The following SFI1 variants were observed in gnomAD, a reference collection of about 807,000 sequenced individuals.
SFI1 encodes protein SFI1 homolog.
In SFI1, 195 loss-of-function variants were observed where a neutral mutation model predicts 207.5. The ratio of observed to expected loss-of-function variants is 0.94; its 90% CI spans 0.84 to 1.06. The LOEUF is 1.06. SFI1 is among the 50% of genes least tolerant of loss of function. The pLI, the probability that SFI1 is intolerant of heterozygous loss-of-function variation, is 0.00. For missense variants in SFI1, 1,634 were observed against 1,588.0 expected (o/e 1.03, Z -0.49); for synonymous variants, 630 against 598.9 (o/e 1.05, Z -0.76).
intron 8 of SFI1, among the ~76,000 whole-genome samples, chr22:31,562,665 G>A (rs964914362): frequency 1.3e-5 from 2 of 151,490 alleles, no homozygotes; most frequent in Admixed American, 6.6e-5. Context: ...ACAGAGTCTC[G>A]CTCTGTCACC....
rs142187591 is a variant in SFI1 at position 31,515,768 on chromosome 22, C to G, written c.92+7392C>G. Among the ~76,000 whole-genome samples the G allele has an allele frequency of 8.7e-4, 127 of 146,702 alleles. 2 individuals are homozygous for G. The East Asian group carries it at 0.023, about 27-fold the overall frequency. On this transcript the variant is annotated intron_variant, in intron 2 of 32. Coordinates refer to ENST00000400288, the MANE Select transcript of SFI1 (RefSeq NM_001007467.3). The stretch of plus-strand genomic sequence containing the variant: ...TTTTTCTTTTTTTGAGATGGCGTCT[C>G]CCTCTGTTGCCCAGGCTGGAGTGCA...
Position 31,555,787 on chromosome 22 carries a change from T to G in SFI1, c.545-1155T>G, listed in dbSNP as rs955027302. On this transcript the variant is annotated intron_variant, in intron 6 of 32. Coordinates refer to ENST00000400288, the MANE Select transcript of SFI1 (RefSeq NM_001007467.3). ...CTAAACCACAGCACTATACTAGTCC[T>G]GATTACCTGAAGTATGCTGATTCCT... is the stretch of plus-strand genomic sequence containing the variant. Among the ~76,000 whole-genome samples, 4 of 152,152 alleles carry G rather than the reference T, an allele frequency of 2.6e-5. No homozygotes were observed. The East Asian group carries it at 7.7e-4, about 29-fold the overall frequency.
intron 15 of SFI1, among the ~76,000 whole-genome samples, chr22:31,601,815 C>T (rs921822147): frequency 9.2e-5 from 14 of 151,666 alleles, no homozygotes; most frequent in African/African-American, 3.4e-4. Context: ...TTTTCAGAGA[C>T]GGGGTCTCAC....
At chr22:31,587,475 G>C (rs2065182050) in intron 14 of SFI1, 1 of 79,634 alleles carries the variant, frequency 1.3e-5, no homozygotes, top group Admixed American at 1.6e-4. Flanking sequence ...GCTAATGTTT[G>C]TGTTTTGTTT....
chr22:31,611,755 C>G lies in SFI1; in HGVS notation c.2416-11C>G, dbSNP rs1249677031. 3 of 1,612,090 alleles carry G rather than the reference C, an allele frequency of 1.9e-6. No homozygotes were observed. Among genetic ancestry groups the G allele is most frequent in the African/African-American group, 1.3e-5 (1 of 75,044 alleles). On this transcript the variant is annotated splice_polypyrimidine_tract_variant and intron_variant, in intron 23 of 32. Transcript: ENST00000400288. ...CAGGACGCCACTCTCTGTGCACTTG[C>G]TCTCCCCCAGCTCCTGCACAGGCAG...
rs1250857567 is a variant in SFI1, at chr22:31,604,937, G to T, written c.2046G>T (p.Gln682His). ...CCAGGGAGAGCCAGCACAACAGGCA[G>T]CTGCTGCGGTGAGTCTCCCGGGCGC... Reference protein sequence around the residue: ...VAARESQHNRQLLRGALRRWK... With the variant: ...VAARESQHNRHLLRGALRRWK... Residue 682 changes from glutamine to histidine, a missense_variant, in exon 20 of 33, where the codon CAG (glutamine) becomes CAT (histidine). Coordinates refer to ENST00000400288, the MANE Select transcript of SFI1 (RefSeq NM_001007467.3). 6.2e-7 allele frequency: 1 copy of T among 1,608,554 alleles called. No individual in the cohort carries two copies. Among genetic ancestry groups the T allele is most frequent in the Non-Finnish European group, 8.5e-7 (1 of 1,177,372 alleles).
chr22:31,540,893 A>G (rs2059420039), intron 4 of SFI1, among the ~76,000 whole-genome samples: 1 of 152,144 alleles, frequency 6.6e-6, no homozygotes, highest in Non-Finnish European at 1.5e-5. Context: ...GTTAATTATA[A>G]GCTTGGCTGC....
At chr22:31,554,010 T>C in intron 6 of SFI1, among the ~76,000 whole-genome samples, 1 of 151,474 alleles carries the variant, frequency 6.6e-6, no homozygotes, top group East Asian at 2.0e-4. Flanking sequence ...CTAAGTTTTT[T>C]ATATTTTACA....
intron 15 of SFI1, among the ~76,000 whole-genome samples, chr22:31,592,474 T>A (rs1603264168): frequency 2.8e-5 from 1 of 36,124 alleles, no homozygotes; most frequent in Non-Finnish European, 5.0e-5. Flanking sequence ...CTCACCTCCC[T>A]CCCGGATGGG....
chr22:31,572,848 GA>G, intron 8 of SFI1: 1 of 431,670 alleles, frequency 2.3e-6, no homozygotes, highest in Non-Finnish European at 4.1e-6. Context: ...TTTAATCCAG[GA>G]AAAAATTACT....
At chr22:31,531,194 C>A in intron 4 of SFI1, 65 bp downstream of exon 4, 1 of 1,349,356 alleles carries the variant, frequency 7.4e-7, no homozygotes, top group Non-Finnish European at 1.0e-6. Flanking sequence ...TTATATTAAG[C>A]CTGTATATAA....
Position 31,523,113 on chromosome 22 carries a change from G to A in SFI1, c.93-5577G>A, listed in dbSNP as rs550655096. Among the ~76,000 whole-genome samples the A allele has an allele frequency of 6.6e-5, 10 of 152,316 alleles. No individual in the cohort carries two copies. In the South Asian group the frequency reaches 2.1e-3, roughly 32 times the overall value. Reference sequence around the variant, plus strand: ...ACAAGTTTTTCTGTGGACATATGCTGTATTGCTTTTATAATAAGAAAATAA... The same window carrying A: ...ACAAGTTTTTCTGTGGACATATGCTATATTGCTTTTATAATAAGAAAATAA... On this transcript the variant is annotated intron_variant, in intron 2 of 32. Coordinates refer to ENST00000400288, the MANE Select transcript of SFI1 (RefSeq NM_001007467.3).
chr22:31,614,996 C>G, intron 28 of SFI1, 52 bp from the exon 29 acceptor site: 1 of 1,587,538 alleles, frequency 6.3e-7, no homozygotes. Context: ...GTTCTTTGGT[C>G]CCAGAGGAGG....
intron 8 of SFI1, among the ~76,000 whole-genome samples, chr22:31,568,151 CTCTCTA>C (rs1017997152): frequency 6.7e-5 from 8 of 119,044 alleles, no homozygotes; most frequent in Admixed American, 4.6e-4. Context: ...GACTCTCTCT[CTCTCTA>C]TATATATATG....
chr22:31,589,332 C>A (rs761454911), intron 14 of SFI1, 115 bp from the exon 15 acceptor site: 31 of 1,031,894 alleles, frequency 3.0e-5, no homozygotes, highest in Non-Finnish European at 3.5e-5. Flanking sequence ...AATGATTCAT[C>A]TTTTTCTCAT....
chr22:31,553,699 T>C (rs1043905932), intron 6 of SFI1, among the ~76,000 whole-genome samples: 1 of 151,540 alleles, frequency 6.6e-6, no homozygotes, highest in African/African-American at 2.4e-5. Context: ...TATTCTGTTA[T>C]AAGCATTTTG....
chr22:31,591,015 A>T (rs1407655662), intron 15 of SFI1, among the ~76,000 whole-genome samples: 1 of 147,794 alleles, frequency 6.8e-6, no homozygotes, highest in Admixed American at 6.8e-5. Flanking sequence ...TTTCTCACAG[A>T]GGGGGATTTG....
chr22:31,547,107 A>G (rs1308224306), intron 5 of SFI1, 136 bp downstream of exon 5: 1 of 608,690 alleles, frequency 1.6e-6, no homozygotes, highest in Non-Finnish European at 2.9e-6. Flanking sequence ...TGGAGTTAGC[A>G]AGATCAGAGT....
intron 8 of SFI1, among the ~76,000 whole-genome samples, chr22:31,571,789 A>T (rs5749304): frequency 0.057 from 8,610 of 152,112 alleles, 331 homozygotes; most frequent in South Asian, 0.11. Context: ...GAAATTTAAT[A>T]TTGATATAAT....
Sources: allele counts gnomAD v4.1 joint callset (sites outside exome capture counted in the v4.1 genomes callset), GRCh38; gene constraint gnomAD v4.1.1; transcripts MANE v1.5; gene names NCBI Gene and HGNC (gene_info 2026-07-23, HGNC 2026-07-21).